ZFP64: variants seen among roughly 807,000 people sequenced by gnomAD.
ZFP64 encodes zinc finger protein 64.
Under a neutral mutation model 51.6 loss-of-function variants are expected in ZFP64, and 14 were observed. The observed-to-expected ratio is 0.27, with a 90% CI of 0.18 to 0.42. The LOEUF (loss-of-function observed/expected upper bound fraction) is 0.42. ZFP64 is among the 10% of genes least tolerant of loss of function. The pLI is 1.00. For synonymous variants in ZFP64, 375 were observed against 361.4 expected, an observed-to-expected ratio of 1.04 and a Z score of -0.43; for missense variants, 754 against 906.8, an observed-to-expected ratio of 0.83 and a Z score of 2.16.
intron 6 of ZFP64, chr20:52,097,452 G>C: frequency 6.6e-7 from 1 of 1,521,402 alleles, no homozygotes. Flanking sequence ...AAGAAAAATA[G>C]ATTTTTTTTT....
At chr20:52,118,556 A>C (rs1346129718) in intron 5 of ZFP64, among the ~76,000 whole-genome samples, 7 of 152,194 alleles carry the variant, frequency 4.6e-5, no homozygotes, top group African/African-American at 1.4e-4. Context: ...TCCTTATCTT[A>C]TGCCACAGTC....
chr20:52,116,325 G>T (rs1188252618), intron 5 of ZFP64, among the ~76,000 whole-genome samples: 1 of 149,192 alleles, frequency 6.7e-6, no homozygotes, highest in Non-Finnish European at 1.5e-5. Flanking sequence ...TAGTAGAGAC[G>T]GGGTTTCCCC....
intron 4 of ZFP64, among the ~76,000 whole-genome samples, chr20:52,163,562 T>C (rs760062488): frequency 6.6e-6 from 1 of 152,148 alleles, no homozygotes; most frequent in Non-Finnish European, 1.5e-5. Context: ...AGCATGACAC[T>C]GTGAGGCTGA....
chr20:52,097,795 T>C (rs1488467586), intron 6 of ZFP64, among the ~76,000 whole-genome samples: 2 of 151,918 alleles, frequency 1.3e-5, no homozygotes, highest in South Asian at 4.2e-4. Flanking sequence ...CTCAGTTGAG[T>C]GTGGTGGCCC....
At position 52,085,364 on chromosome 20, in the gene ZFP64, G is replaced by C; in HGVS notation, c.1229-98C>G. On this transcript the variant is annotated intron_variant, in intron 8 of 8. Transcript: ENST00000361387. This position sits in a 1 kb window ranked among gnomAD's most constrained non-coding sequence, Gnocchi z 4.3. ...ACACTTGGCCGCCATGAGATGGTTG[G>C]GTTTTGTGAACTCTAAACCCAACCT... 1 of 1,334,392 alleles carries C rather than the reference G, an allele frequency of 7.5e-7. No individual in the cohort carries two copies. The highest frequency in any genetic ancestry group is 2.5e-5 in the East Asian group (1 of 39,844). 82.7% of individuals were successfully genotyped at this position (1,334,392 alleles called of 1,614,324 possible).
chr20:52,184,451 C>G (rs1983821393), intron 2 of ZFP64, among the ~76,000 whole-genome samples: 2 of 152,166 alleles, frequency 1.3e-5, no homozygotes, highest in Admixed American at 1.3e-4. Flanking sequence ...ACCGCCCCAT[C>G]CCTGTTCTAG....
At chr20:52,165,504 C>G in intron 3 of ZFP64, 1 of 475,414 alleles carries the variant, frequency 2.1e-6, no homozygotes, top group Middle Eastern at 3.2e-4. Flanking sequence ...ATTTTTGCAA[C>G]TTTTCTGTAC....
At chr20:52,124,753 C>T (rs899737016) in intron 5 of ZFP64, among the ~76,000 whole-genome samples, 2 of 150,666 alleles carry the variant, frequency 1.3e-5, no homozygotes, top group African/African-American at 4.9e-5. Context: ...ACTACAGGTA[C>T]ATCTGGCTAA....
intron 2 of ZFP64, among the ~76,000 whole-genome samples, chr20:52,172,997 C>G (rs1331491756): frequency 6.6e-6 from 1 of 152,008 alleles, no homozygotes; most frequent in Non-Finnish European, 1.5e-5. Flanking sequence ...AAATGTATGA[C>G]TGTTATATGA....
chr20:52,189,114 C>T (rs1600828245), intron 1 of ZFP64, among the ~76,000 whole-genome samples: 1 of 152,226 alleles, frequency 6.6e-6, no homozygotes, highest in Non-Finnish European at 1.5e-5. Context: ...TTTCTTTACA[C>T]TTAAAAGTTG....
intron 5 of ZFP64, among the ~76,000 whole-genome samples, chr20:52,126,289 T>C (rs1979442642): frequency 1.3e-5 from 2 of 152,136 alleles, no homozygotes; most frequent in Admixed American, 6.6e-5. Context: ...GAAACTGAAA[T>C]TCGGGAAGTT....
intron 7 of ZFP64, among the ~76,000 whole-genome samples, chr20:52,090,034 A>G (rs902381820): frequency 7.9e-5 from 12 of 152,228 alleles, no homozygotes; most frequent in African/African-American, 2.9e-4. Flanking sequence ...AGAATCTCCC[A>G]AAAGGACAAG....
chr20:52,187,600 G>C (rs967753745), intron 1 of ZFP64, among the ~76,000 whole-genome samples: 5 of 151,692 alleles, frequency 3.3e-5, no homozygotes, highest in African/African-American at 9.7e-5. Flanking sequence ...CCAGCCTGGG[G>C]GACAAGAGTG....
chr20:52,139,194 A>C (rs1010715248), intron 5 of ZFP64, among the ~76,000 whole-genome samples: 4 of 152,206 alleles, frequency 2.6e-5, no homozygotes, highest in African/African-American at 9.7e-5. Context: ...ATTCTACCAA[A>C]GACACATGCA....
rs762335853 is a variant in ZFP64 at position 52,097,377 on chromosome 20, G to A, written c.972C>T (p.His324=). The A allele has an allele frequency of 6.8e-6, 11 of 1,613,040 alleles. 1 individual carries two copies. In the South Asian group the frequency reaches 7.7e-5, roughly 11 times the overall value. ...TTGAACAGAATGGATACCTACCCGTGTGGATTCTGAGATGGCGGTCCAAGT... is the reference window on the plus strand; with the variant it reads ...TTGAACAGAATGGATACCTACCCGTATGGATTCTGAGATGGCGGTCCAAGT... The change falls in exon 7 of 9, where the codon CAC becomes CAT. Residue 324 remains histidine, a synonymous_variant. Transcript: ENST00000361387.
At chr20:52,104,794 A>G (rs1406951828) in intron 5 of ZFP64, 1 of 592,066 alleles carries the variant, frequency 1.7e-6, no homozygotes. Flanking sequence ...GCCCAGTGCC[A>G]AGGAGGCCGG....
chr20:52,160,273 A>C lies in ZFP64; in HGVS notation c.613T>G (p.Cys205Gly), dbSNP rs1400617010. Reference sequence around the variant, plus strand: ...GCAGCGGCGTAGTCACACGTCTTACACTTGTAGGGCTTCACGCCCGTGTGG... The same window carrying C: ...GCAGCGGCGTAGTCACACGTCTTACCCTTGTAGGGCTTCACGCCCGTGTGG... ...RCHTGVKPYK[C>G]KTCDYAAADS... The change falls in exon 5 of 6, where the codon TGT (cysteine) becomes GGT (glycine). Residue 205 changes from cysteine (C) to glycine (G), a missense_variant. Cys to Gly is a radical substitution (Grantham distance 159, BLOSUM62 -3). Coordinates refer to ENST00000216923, the MANE Select transcript of ZFP64 (RefSeq NM_018197.3). This position sits in a 1 kb window ranked among gnomAD's most constrained non-coding sequence, Gnocchi z 4.2. The C allele has an allele frequency of 3.7e-6, 6 of 1,614,094 alleles. No homozygotes were observed. The highest frequency in any genetic ancestry group is 8.5e-7 in the Non-Finnish European group (1 of 1,180,040).
chr20:52,176,955 G>A (rs1232430492), intron 2 of ZFP64, among the ~76,000 whole-genome samples: 2 of 152,088 alleles, frequency 1.3e-5, no homozygotes, highest in African/African-American at 4.8e-5. Context: ...CCTATATAAC[G>A]GAAAATTAAC....
chr20:52,094,620 G>A lies in ZFP64; in HGVS notation c.976+2753C>T, dbSNP rs148604280. On this transcript the variant is annotated intron_variant, in intron 7 of 8. Coordinates refer to the ZFP64 transcript ENST00000361387. The stretch of plus-strand genomic sequence containing the variant: ...CAAAATAAAATAAAATTAGCTGGGC[G>A]AAATGGGGCATGCCTGCAGCCCCAG... Among the ~76,000 whole-genome samples, 182 of 152,270 alleles carry A rather than the reference G, an allele frequency of 1.2e-3. 2 individuals are homozygous for A. Among genetic ancestry groups the A allele is most frequent in the African/African-American group, 4.2e-3 (173 of 41,548 alleles).
Sources: allele counts gnomAD v4.1 joint callset (sites outside exome capture counted in the v4.1 genomes callset), GRCh38; gene constraint gnomAD v4.1.1; non-coding constraint Gnocchi (gnomAD v3.1); transcripts MANE v1.5; gene names NCBI Gene and HGNC (gene_info 2026-07-23, HGNC 2026-07-21).